Variants in NRP1 observed in about 807,000 individuals in gnomAD.
NRP1 encodes the protein neuropilin 1, also known as neuropilin-1.
NRP1 carries 35 observed loss-of-function variants against 106.7 expected under a neutral mutation model. The ratio of observed to expected loss-of-function variants is 0.33; its 90% CI spans 0.25 to 0.43. NRP1 has a LOEUF of 0.43. Among genes scored for constraint, NRP1 ranks in the 20% least tolerant of loss-of-function variants. The probability of loss-of-function intolerance (pLI) is 1.00; values close to 1 mark genes in which losing one functional copy is unlikely to be tolerated. For synonymous variants in NRP1, 437 were observed against 417.9 expected (o/e 1.05, Z -0.56); for missense variants, 1,024 against 1,170.4 (o/e 0.87, Z 1.83).
chr10:33,292,620 C>A (rs1404672657), intron 2 of NRP1, among the ~76,000 whole-genome samples: 1 of 152,144 alleles, frequency 6.6e-6, no homozygotes, highest in Non-Finnish European at 1.5e-5. Context: ...TAACGTAGGG[C>A]TTGAAAGGCC....
intron 2 of NRP1, among the ~76,000 whole-genome samples, chr10:33,321,962 C>T (rs1304647495): frequency 5.3e-5 from 8 of 152,194 alleles, no homozygotes; most frequent in Non-Finnish European, 1.0e-4. Context: ...TGTTTCTTCT[C>T]AGAAAACTCT....
chr10:33,272,555 G>A (rs1843382199), intron 2 of NRP1, among the ~76,000 whole-genome samples: 1 of 152,130 alleles, frequency 6.6e-6, no homozygotes, highest in Non-Finnish European at 1.5e-5. Context: ...GGAGGAGGAA[G>A]AAGAAAGCAT....
intron 2 of NRP1, among the ~76,000 whole-genome samples, chr10:33,291,721 G>A (rs1588934536): frequency 6.6e-6 from 1 of 152,164 alleles, no homozygotes; most frequent in South Asian, 2.1e-4. Context: ...CACAGATTGC[G>A]AAGTGTTTTT....
intron 2 of NRP1, among the ~76,000 whole-genome samples, chr10:33,298,316 C>T (rs570028203): frequency 2.0e-5 from 3 of 152,220 alleles, no homozygotes; most frequent in East Asian, 3.9e-4. Context: ...TCTCATGGAT[C>T]GGAAGAATGG....
Position 33,254,043 on chromosome 10 carries a change from G to A in NRP1, c.966C>T (p.Tyr322=), listed in dbSNP as rs1842036590. The change falls in exon 6 of 17, where the codon TAC becomes TAT. Residue 322 remains tyrosine (Y), a synonymous_variant. Coordinates refer to ENST00000374867, the MANE Select transcript of NRP1 (RefSeq NM_003873.7). ...TGCTGCATACCTGTATCCACTCTCGGTAGGAATCCTCTCCGGGAGTCCACC... is the reference window on the plus strand; with the variant it reads ...TGCTGCATACCTGTATCCACTCTCGATAGGAATCCTCTCCGGGAGTCCACC... ...ENGWTPGEDS[Y]REWIQVDLGL... is the part of the protein sequence containing the mutation. 3 of 1,610,470 alleles carry A rather than the reference G, an allele frequency of 1.9e-6. No individual in the cohort carries two copies. The highest frequency in any genetic ancestry group is 2.2e-5 in the South Asian group (2 of 90,436).
intron 2 of NRP1, among the ~76,000 whole-genome samples, chr10:33,277,076 G>A (rs1024341222): frequency 6.7e-6 from 1 of 148,914 alleles, no homozygotes; most frequent in Non-Finnish European, 1.5e-5. Context: ...CTGCACTCCA[G>A]CCTGGGTAAC....
intron 11 of NRP1, among the ~76,000 whole-genome samples, chr10:33,200,562 G>A (rs772359283): frequency 3.9e-5 from 6 of 152,164 alleles, no homozygotes; most frequent in Non-Finnish European, 8.8e-5. Flanking sequence ...AGACAGCATT[G>A]ATCCCAATTT....
intron 2 of NRP1, among the ~76,000 whole-genome samples, chr10:33,321,889 C>A (rs767340207): frequency 6.6e-6 from 1 of 152,216 alleles, no homozygotes; most frequent in Non-Finnish European, 1.5e-5. Flanking sequence ...GCCATCACCT[C>A]CAACCTGGCT....
chr10:33,326,210 A>G (rs191550324), intron 2 of NRP1, among the ~76,000 whole-genome samples: 2 of 152,318 alleles, frequency 1.3e-5, no homozygotes, highest in East Asian at 3.9e-4. Context: ...TACCATATCA[A>G]TGACATTCTT....
chr10:33,250,200 T>C (rs1000823352), intron 6 of NRP1, among the ~76,000 whole-genome samples: 16 of 152,230 alleles, frequency 1.1e-4, no homozygotes, highest in Admixed American at 2.6e-4. Context: ...GTATAAATTA[T>C]GCTGTACTTG....
At chr10:33,259,192 G>A (rs1369183501) in intron 4 of NRP1, among the ~76,000 whole-genome samples, 2 of 152,174 alleles carry the variant, frequency 1.3e-5, no homozygotes, top group African/African-American at 4.8e-5. Context: ...ATGCAGACTT[G>A]CAATTTAGAG....
In NRP1 at chr10:33,177,591, T is replaced by C. The variant is rs1044274; in HGVS notation, c.*2485A>G. 0.16 allele frequency: 24,847 copies of C among 152,618 alleles called. 2,388 individuals carry two copies. The highest frequency in any genetic ancestry group is 0.5 in the East Asian group (2,571 of 5,180). 9.5% of individuals were successfully genotyped at this position (152,618 alleles called of 1,614,324 possible). ...ACAGTTCAGTTCTATGTGGTTTTTA[T>C]GCTACTCAGTGTCTGAGAATACAAA... On this transcript the variant is annotated 3_prime_UTR_variant, in exon 17 of 17. Transcript: ENST00000374867.
Position 33,207,698 on chromosome 10 carries a change from T to C in NRP1, c.1633A>G (p.Asn545Asp). 3.7e-6 allele frequency: 6 copies of C among 1,613,940 alleles called. No individual in the cohort carries two copies. The highest frequency in any genetic ancestry group is 5.1e-6 in the Non-Finnish European group (6 of 1,179,958). Residue 545 changes from asparagine to aspartate, a missense_variant, in exon 10 of 17, where the codon AAC becomes GAC. Coordinates refer to ENST00000374867, the MANE Select transcript of NRP1 (RefSeq NM_003873.7). The part of the protein sequence containing the change: ...RKAKSFEGNN[N>D]YDTPELRTFP... ...GTCCGCAGCTCAGGTGTATCATAGT[T>C]GTTGTTGCCCTCAAAAGACTGTGAA... is the stretch of plus-strand genomic sequence containing the variant.
chr10:33,243,428 G>T (rs540399655), intron 6 of NRP1, among the ~76,000 whole-genome samples: 1 of 152,252 alleles, frequency 6.6e-6, no homozygotes, highest in African/African-American at 2.4e-5. Flanking sequence ...GCACCTGTCT[G>T]GTCCGATCAC....
At chr10:33,209,292 T>C (rs983464348) in intron 9 of NRP1, among the ~76,000 whole-genome samples, 1 of 152,230 alleles carries the variant, frequency 6.6e-6, no homozygotes. Flanking sequence ...AGGTAAATTC[T>C]GTATTATGGT....
Position 33,319,561 on chromosome 10 carries a change from CTTTTTTTTTTCTTTCTTTCTTTCTTTCT to C in NRP1, c.248+11119_248+11146del, listed in dbSNP as rs1564486244. On this transcript the variant is annotated intron_variant, in intron 2 of 16. Transcript: ENST00000374867. ...TGCTCACTCTTTGCGGTGGTGCCAT[CTTTTTTTTTTCTTTCTTTCTTTCTTTCT>C]TTTTTTTTTTTTTTTGAGACAGTGT... Among the ~76,000 whole-genome samples the C allele has an allele frequency of 1.2e-4, 17 of 142,718 alleles. No homozygotes were observed. In the South Asian group the frequency reaches 4.0e-3, roughly 33 times the overall value. The allele number at this position is 142,718 out of a possible 152,430, so 93.6% of individuals were successfully genotyped here.
intron 3 of NRP1, among the ~76,000 whole-genome samples, chr10:33,270,155 AT>A (rs34807815): frequency 0.22 from 32,429 of 149,492 alleles, 3,558 homozygotes; most frequent in African/African-American, 0.27. Flanking sequence ...GCTGAAATAC[AT>A]TTTTTTTTTC....
chr10:33,313,957 C>CCTCCCTCT (rs1414781457), intron 2 of NRP1, among the ~76,000 whole-genome samples: 1 of 151,428 alleles, frequency 6.6e-6, no homozygotes, highest in Non-Finnish European at 1.5e-5. Flanking sequence ...TCCTTCCTTC[C>CCTCCCTCT]CTCCCTCTCT....
chr10:33,265,020 G>A (rs1196222495), intron 3 of NRP1, among the ~76,000 whole-genome samples: 1 of 152,066 alleles, frequency 6.6e-6, no homozygotes, highest in African/African-American at 2.4e-5. Flanking sequence ...TGAGACAGGA[G>A]AATTGCTTGA....
Sources: allele counts gnomAD v4.1 joint callset (sites outside exome capture counted in the v4.1 genomes callset), GRCh38; gene constraint gnomAD v4.1.1; transcripts MANE v1.5; gene names NCBI Gene and HGNC (gene_info 2026-07-23, HGNC 2026-07-21).